Variants in GCN1 observed in about 807,000 individuals in gnomAD.
GCN1 encodes GCN1 activator of EIF2AK4.
A neutral mutation model predicts 288.4 loss-of-function variants in GCN1; 90 were observed. That is an observed-to-expected ratio of 0.31 (90% CI 0.26 to 0.37). GCN1 has a LOEUF of 0.37. Among genes scored for constraint, GCN1 ranks in the 10% least tolerant of loss-of-function variants. The probability of loss-of-function intolerance (pLI) is 1.00; values close to 1 mark genes in which losing one functional copy is unlikely to be tolerated. For missense variants in GCN1, 2,586 were observed against 3,419.9 expected (o/e 0.76, Z 6.08); for synonymous variants, 1,386 against 1,420.2 (o/e 0.98, Z 0.54).
intron 15 of GCN1, among the ~76,000 whole-genome samples, chr12:120,169,650 T>C (rs145001768): frequency 0.011 from 1,728 of 152,186 alleles, 26 homozygotes; most frequent in Non-Finnish European, 0.019. Flanking sequence ...ATTACAGGCA[T>C]GCGCCACCAC....
chr12:120,160,031 C>T lies in GCN1; in HGVS notation c.2551-8G>A, dbSNP rs750502608. 6.2e-7 allele frequency: 1 copy of T among 1,613,618 alleles called. No individual in the cohort carries two copies. Among genetic ancestry groups the T allele is most frequent in the East Asian group, 2.2e-5 (1 of 44,868 alleles). On this transcript the variant is annotated splice_region_variant and splice_polypyrimidine_tract_variant and intron_variant, in intron 23 of 57. Transcript: ENST00000300648. ...CTCCAGCTCCCCATCCAGCTGCAAG[C>T]AGAGTTGTCCAGAAGGCAGGTCAGC...
chr12:120,168,636 G>A (rs1878208641), intron 15 of GCN1, among the ~76,000 whole-genome samples: 2 of 152,134 alleles, frequency 1.3e-5, no homozygotes, highest in South Asian at 4.1e-4. Context: ...GACTCACACT[G>A]GGCCATCCCT....
intron 55 of GCN1, 31 bp from the exon 56 acceptor site, chr12:120,130,784 G>A: frequency 7.0e-7 from 1 of 1,422,274 alleles, no homozygotes; most frequent in Middle Eastern, 1.8e-4. Flanking sequence ...TAGACGGGAG[G>A]CCCCCCACCC....
At chr12:120,146,638 G>A (rs940349921) in intron 38 of GCN1, among the ~76,000 whole-genome samples, 5 of 152,128 alleles carry the variant, frequency 3.3e-5, no homozygotes, top group Admixed American at 1.3e-4. Context: ...GGCAGACAGT[G>A]AGACCACACA....
At chr12:120,194,020 C>G (rs1879089752) in intron 1 of GCN1, among the ~76,000 whole-genome samples, 1 of 152,168 alleles carries the variant, frequency 6.6e-6, no homozygotes, top group Non-Finnish European at 1.5e-5. Flanking sequence ...TACAAGGTAC[C>G]CATAGGTAAC....
At position 120,142,223 on chromosome 12, in the gene GCN1, G is replaced by A. The variant is rs868707726; in HGVS notation, c.5829+284C>T. Reference sequence around the variant, plus strand: ...TGCCTGTAGTCCCAGCTACTCGGGAGGCTGAGGCAGGAGAATGGCATGAAC... The same window carrying A: ...TGCCTGTAGTCCCAGCTACTCGGGAAGCTGAGGCAGGAGAATGGCATGAAC... On this transcript the variant is annotated intron_variant, in intron 44 of 57. Transcript: ENST00000300648. This position sits in a 1 kb window ranked among gnomAD's most constrained non-coding sequence, Gnocchi z 4.9. Among the ~76,000 whole-genome samples, 1 of 152,204 alleles carries A rather than the reference G, an allele frequency of 6.6e-6. No homozygotes were observed. Among genetic ancestry groups the A allele is most frequent in the Admixed American group, 6.5e-5 (1 of 15,282 alleles).
chr12:120,158,728 T>C lies in GCN1; in HGVS notation c.2750-113A>G. 2.1e-6 allele frequency: 2 copies of C among 957,248 alleles called. No homozygotes were observed. The highest frequency in any genetic ancestry group is 3.1e-6 in the Non-Finnish European group (2 of 654,198). The allele number at this position is 957,248 out of a possible 1,614,324, so 59.3% of individuals were successfully genotyped here. On this transcript the variant is annotated intron_variant, in intron 24 of 57. Transcript: ENST00000300648. This position sits in a 1 kb window ranked among gnomAD's most constrained non-coding sequence, Gnocchi z 4.3. ...TCCTTCTGACTTAAAAAAATATTTCTGCGGCTGGGCGCGGTGGCTGATGCC... is the reference window on the plus strand; with the variant it reads ...TCCTTCTGACTTAAAAAAATATTTCCGCGGCTGGGCGCGGTGGCTGATGCC...
chr12:120,141,782 T>C (rs965462511), intron 44 of GCN1, among the ~76,000 whole-genome samples: 4 of 152,236 alleles, frequency 2.6e-5, no homozygotes, highest in Non-Finnish European at 5.9e-5. Context: ...TCCAGCATCA[T>C]TTCTTCTGAG....
At chr12:120,191,962 T>C (rs919480175) in intron 1 of GCN1, among the ~76,000 whole-genome samples, 3 of 152,152 alleles carry the variant, frequency 2.0e-5, no homozygotes, top group Admixed American at 6.5e-5. Context: ...ACCCTCCCCA[T>C]TTCCCCAGTG....
At chr12:120,143,616 G>T (rs1391045329) in intron 42 of GCN1, among the ~76,000 whole-genome samples, 1 of 150,514 alleles carries the variant, frequency 6.6e-6, no homozygotes, top group Non-Finnish European at 1.5e-5. Flanking sequence ...ACCACTGTAT[G>T]AATGTGCTAT....
chr12:120,166,401 CA>C (rs1190939956), intron 16 of GCN1, among the ~76,000 whole-genome samples: 2,025 of 44,924 alleles, frequency 0.045, 43 homozygotes, highest in African/African-American at 0.13. Context: ...GAGACTGTCT[CA>C]AAAAAAAAAA....
intron 14 of GCN1, among the ~76,000 whole-genome samples, chr12:120,173,068 T>C (rs1878360825): frequency 6.6e-6 from 1 of 151,298 alleles, no homozygotes; most frequent in Non-Finnish European, 1.5e-5. Context: ...TTTTTTTTTT[T>C]TTTTTTTCCA....
At position 120,180,519 on chromosome 12, in the gene GCN1, C is replaced by G. The variant is rs1235993038; in HGVS notation, c.427-1569G>C. On this transcript the variant is annotated intron_variant, in intron 5 of 57. Coordinates refer to ENST00000300648, the MANE Select transcript of GCN1 (RefSeq NM_006836.2). The stretch of plus-strand genomic sequence containing the variant: ...AGTCCCAGCTACTCAGGAGGAAAAT[C>G]GCTTGAACCCAGGAGGTGGAGTTTG... 3.3e-5 allele frequency among the ~76,000 whole-genome samples: 5 copies of G among 150,074 alleles called. No homozygotes were observed. In the South Asian group the frequency reaches 1.1e-3, roughly 32 times the overall value.
chr12:120,184,948 CAGGTAT>C, intron 2 of GCN1, 61 bp from the exon 3 acceptor site: 1 of 1,103,004 alleles, frequency 9.1e-7, no homozygotes, highest in Non-Finnish European at 1.4e-6. Context: ...CCGCTGGAGT[CAGGTAT>C]TCTGCCCAGA....
chr12:120,137,599 G>C lies in GCN1; in HGVS notation c.6609C>G (p.Asp2203Glu), dbSNP rs376093090. Residue 2203 changes from aspartate to glutamate, a missense_variant, in exon 49 of 58, where the codon GAC becomes GAG. Around this residue, in one of 8 missense-constraint regions of GCN1, gnomAD observed 437 missense variants for 570.5 expected, o/e 0.77. Transcript: ENST00000300648. The surrounding 1 kb of genome is among the most constrained non-coding windows in gnomAD (Gnocchi z 5.2). ...TCTCCTCCAGAACCACAGGGCTGGA[G>C]TCATTGAAGAGGCGGATCAGGCCCG... ...LVSGLIRLFN[D>E]SSPVVLEESW... 6.2e-7 allele frequency: 1 copy of C among 1,614,098 alleles called. No individual in the cohort carries two copies. The highest frequency in any genetic ancestry group is 8.5e-7 in the Non-Finnish European group (1 of 1,180,040).
At chr12:120,160,365 G>C (rs1027462170) in intron 22 of GCN1, 110 bp from the exon 23 acceptor site, 1 of 752,170 alleles carries the variant, frequency 1.3e-6, no homozygotes, top group Non-Finnish European at 2.3e-6. Flanking sequence ...CCAGCTCTAA[G>C]TGTGAGTTGG....
chr12:120,137,412 C>T lies in GCN1; in HGVS notation c.6664-93G>A, dbSNP rs1877044228. ...GGGAAAGCGTGGGCGGGAGTATAAA[C>T]AAGACTTGCCACGAGTGGGTAAACG... On this transcript the variant is annotated intron_variant, in intron 49 of 57. Transcript: ENST00000300648. This position sits in a 1 kb window ranked among gnomAD's most constrained non-coding sequence, Gnocchi z 5.2. The T allele has an allele frequency of 7.1e-7, 1 of 1,406,458 alleles. No homozygotes were observed. The highest frequency in any genetic ancestry group is 1.0e-6 in the Non-Finnish European group (1 of 997,132). 87.1% of individuals were successfully genotyped at this position (1,406,458 alleles called of 1,614,324 possible). A position where few individuals can be genotyped will look rare whatever the true frequency, so the allele number is the denominator to read the frequency against.
intron 5 of GCN1, among the ~76,000 whole-genome samples, chr12:120,181,788 G>A (rs1183769): frequency 1.6e-4 from 22 of 141,326 alleles, no homozygotes; most frequent in Non-Finnish European, 2.7e-4. Context: ...GCGGTGAGCC[G>A]AGATCGCGCC....
At chr12:120,164,601 T>C (rs769045679) in intron 17 of GCN1, 45 bp downstream of exon 17, 2 of 1,600,240 alleles carry the variant, frequency 1.2e-6, no homozygotes, top group African/African-American at 2.7e-5. Context: ...CTGCCAGCCT[T>C]TGCCTCATTT....
Sources: allele counts gnomAD v4.1 joint callset (sites outside exome capture counted in the v4.1 genomes callset), GRCh38; gene constraint gnomAD v4.1.1; regional missense constraint gnomAD v4.1.1; non-coding constraint Gnocchi (gnomAD v3.1); transcripts MANE v1.5; gene names NCBI Gene and HGNC (gene_info 2026-07-23, HGNC 2026-07-21).